Variants in PADI3 observed in about 807,000 individuals in gnomAD.
PADI3 encodes the protein protein-arginine deiminase type-3.
PADI3 carries 53 observed loss-of-function variants against 71.5 expected under a neutral mutation model. The ratio of observed to expected loss-of-function variants is 0.74; its 90% CI spans 0.59 to 0.93. The LOEUF is 0.93. Among genes scored for constraint, PADI3 ranks in the 40% least tolerant of loss-of-function variants. The pLI is 0.00. For synonymous variants in PADI3, 361 were observed against 347.5 expected, an observed-to-expected ratio of 1.04 and a Z score of -0.43; for missense variants, 821 against 868.0, an observed-to-expected ratio of 0.95 and a Z score of 0.68.
chr1:17,279,142 G>A (rs529535214), intron 13 of PADI3, among the ~76,000 whole-genome samples: 1 of 152,234 alleles, frequency 6.6e-6, no homozygotes, highest in South Asian at 2.1e-4. Flanking sequence ...CAGCTGGGAG[G>A]GAGCGTGGGA....
At chr1:17,280,883 T>C in intron 15 of PADI3, 87 bp downstream of exon 15, 1 of 1,517,264 alleles carries the variant, frequency 6.6e-7, no homozygotes, top group Non-Finnish European at 9.0e-7. Context: ...CACAGTCATA[T>C]TTAGGATTGT....
At chr1:17,278,910 C>T (rs2073367220) in intron 13 of PADI3, among the ~76,000 whole-genome samples, 3 of 152,166 alleles carry the variant, frequency 2.0e-5, no homozygotes, top group Non-Finnish European at 4.4e-5. Flanking sequence ...TCCAACACAA[C>T]CCTGGAGCCT....
At chr1:17,260,633 G>A (rs141240321) in intron 2 of PADI3, among the ~76,000 whole-genome samples, 1 of 152,294 alleles carries the variant, frequency 6.6e-6, no homozygotes, top group Non-Finnish European at 1.5e-5. Flanking sequence ...ACCCCTGGGG[G>A]CAGTCTCCCT....
In PADI3 at chr1:17,265,668, T is replaced by A. The variant is rs148791775; in HGVS notation, c.356T>A (p.Leu119Gln). The change falls in exon 4 of 16, where the codon CTG becomes CAG. Residue 119 changes from leucine to glutamine, a missense_variant. Transcript: ENST00000375460. ...VLYLTCVDISLDCDLNCEGRQ... is the reference protein window; with the variant it reads ...VLYLTCVDISQDCDLNCEGRQ... ...CTGCCTCCTCTTGCAGACATCTCTC[T>A]GGATTGCGACCTGAACTGTGAGGGA... is the stretch of plus-strand genomic sequence containing the variant. 6.2e-7 allele frequency: 1 copy of A among 1,614,158 alleles called. No individual in the cohort carries two copies. The highest frequency in any genetic ancestry group is 1.7e-5 in the Admixed American group (1 of 60,024).
intron 14 of PADI3, 47 bp downstream of exon 14, chr1:17,280,476 G>A (rs748732769): frequency 1.2e-5 from 18 of 1,542,662 alleles, no homozygotes; most frequent in Admixed American, 5.0e-5. Flanking sequence ...GGGAGTAGGC[G>A]GGGCTGGAGG....
intron 13 of PADI3, 127 bp downstream of exon 13, chr1:17,277,003 C>A: frequency 2.7e-6 from 2 of 731,862 alleles, no homozygotes; most frequent in East Asian, 2.7e-5. Context: ...CAGGGCTTCT[C>A]ACTCCTGCCC....
At position 17,283,318 on chromosome 1, in the gene PADI3, T is replaced by G; in HGVS notation, c.*239T>G. 2.0e-6 allele frequency: 1 copy of G among 511,432 alleles called. No individual in the cohort carries two copies. Among genetic ancestry groups the G allele is most frequent in the Non-Finnish European group, 3.5e-6 (1 of 284,228 alleles). 31.7% of individuals were successfully genotyped at this position (511,432 alleles called of 1,614,324 possible). A position where few individuals can be genotyped will look rare whatever the true frequency, so the allele number is the denominator to read the frequency against. Reference sequence around the variant, plus strand: ...CCAAAAAGAAGGACCTCATTTCTTATAGCCTCTCCTGTGATTCAACACAAC... The same window carrying G: ...CCAAAAAGAAGGACCTCATTTCTTAGAGCCTCTCCTGTGATTCAACACAAC... On this transcript the variant is annotated 3_prime_UTR_variant, in exon 16 of 16. Transcript: ENST00000375460.
At chr1:17,265,789 G>C in intron 4 of PADI3, 69 bp downstream of exon 4, 3 of 1,394,416 alleles carry the variant, frequency 2.2e-6, no homozygotes, top group Non-Finnish European at 3.1e-6. Context: ...GGGTTAAGAA[G>C]GATGAGGCCA....
intron 4 of PADI3, 97 bp from the exon 5 acceptor site, chr1:17,266,622 C>CGTTCT: frequency 1.1e-6 from 1 of 932,756 alleles, no homozygotes; most frequent in Non-Finnish European, 1.8e-6. Context: ...CCTAGCCTCA[C>CGTTCT]AGGGTTGGGT....
intron 14 of PADI3, 43 bp from the exon 15 acceptor site, chr1:17,280,628 C>T: frequency 6.2e-7 from 1 of 1,613,184 alleles, no homozygotes; most frequent in Non-Finnish European, 8.5e-7. Flanking sequence ...CCCCAAAACA[C>T]ACTGGCAAGG....
intron 1 of PADI3, among the ~76,000 whole-genome samples, chr1:17,253,379 G>C (rs1335615761): frequency 1.3e-5 from 2 of 152,218 alleles, no homozygotes; most frequent in Non-Finnish European, 2.9e-5. Flanking sequence ...ACCTCGAAGA[G>C]GGGGCAACCT....
At chr1:17,277,633 G>A (rs1557514285) in intron 13 of PADI3, among the ~76,000 whole-genome samples, 1 of 152,218 alleles carries the variant, frequency 6.6e-6, no homozygotes. Flanking sequence ...GCCTACTTCT[G>A]TGCTCCCTGG....
chr1:17,260,915 G>A (rs2073094890), intron 2 of PADI3, among the ~76,000 whole-genome samples: 1 of 151,832 alleles, frequency 6.6e-6, no homozygotes, highest in African/African-American at 2.4e-5. Context: ...TGGCCATGAT[G>A]GCTGGTGGGA....
At chr1:17,280,277 T>C in intron 13 of PADI3, 73 bp from the exon 14 acceptor site, 4 of 1,195,132 alleles carry the variant, frequency 3.3e-6, no homozygotes, top group Non-Finnish European at 5.0e-6. Flanking sequence ...CTCCTGCCTG[T>C]CTGCTTCCCT....
At chr1:17,265,911 A>G (rs957422469) in intron 4 of PADI3, among the ~76,000 whole-genome samples, 191 bp downstream of exon 4, 3 of 152,220 alleles carry the variant, frequency 2.0e-5, no homozygotes, top group Admixed American at 1.3e-4. Context: ...GCCAGGAATT[A>G]TCAGGCATGG....
In PADI3 at chr1:17,259,096, G is replaced by T. The variant is rs143776902; in HGVS notation, c.93-482G>T. Among the ~76,000 whole-genome samples the T allele has an allele frequency of 4.3e-3, 648 of 152,330 alleles. 5 individuals carry two copies. Among genetic ancestry groups the T allele is most frequent in the African/African-American group, 0.015 (629 of 41,574 alleles). The stretch of plus-strand genomic sequence containing the variant: ...TTTTTTTGTTTTGTTTTGAAACAGG[G>T]TCTTGCTCTGTCGCCCAGGCTGGAG... On this transcript the variant is annotated intron_variant, in intron 1 of 15. Coordinates refer to ENST00000375460, the MANE Select transcript of PADI3 (RefSeq NM_016233.2).
intron 13 of PADI3, 141 bp from the exon 14 acceptor site, chr1:17,280,209 C>T: frequency 1.4e-6 from 1 of 689,782 alleles, no homozygotes; most frequent in Non-Finnish European, 2.6e-6. Context: ...GGAACCCACC[C>T]AAGGCCTGGG....
At chr1:17,249,304 C>A in intron 1 of PADI3, 75 bp downstream of exon 1, 1 of 1,267,408 alleles carries the variant, frequency 7.9e-7, no homozygotes, top group South Asian at 1.2e-5. Flanking sequence ...GCAGGCTGGG[C>A]AGGGCTTCTT....
At chr1:17,266,951 C>A in intron 5 of PADI3, 115 bp downstream of exon 5, 1 of 775,350 alleles carries the variant, frequency 1.3e-6, no homozygotes, top group Non-Finnish European at 2.2e-6. Flanking sequence ...AGAGCGCCAG[C>A]CTCCAGACAC....
Sources: gnomAD v4.1 joint callset for allele counts (sites outside exome capture counted in the v4.1 genomes callset) on GRCh38, gnomAD v4.1.1 for gene constraint, MANE v1.5 for transcripts, NCBI Gene and HGNC (gene_info 2026-07-23, HGNC 2026-07-21) for gene names.